Variants in CACNA1A observed in about 807,000 individuals in gnomAD.
CACNA1A encodes calcium voltage-gated channel subunit alpha1 A, also known as voltage-dependent P/Q-type calcium channel subunit alpha-1A.
Under a neutral mutation model 262.4 loss-of-function variants are expected in CACNA1A, and 57 were observed. The observed-to-expected ratio is 0.22, with a 90% CI of 0.18 to 0.27. The LOEUF (loss-of-function observed/expected upper bound fraction) is 0.27. Among genes scored for constraint, CACNA1A ranks in the 10% least tolerant of loss-of-function variants. The pLI is 1.00. For synonymous variants in CACNA1A, 1,431 were observed against 1,419.3 expected (o/e 1.01, Z -0.18); for missense variants, 2,526 against 3,562.8 (o/e 0.71, Z 7.41).
At position 13,299,011 on chromosome 19, in the gene CACNA1A, C is replaced by A; in HGVS notation, c.2622G>T (p.Ser874=). 1 of 1,583,440 alleles carries A rather than the reference C, an allele frequency of 6.3e-7. No individual in the cohort carries two copies. Among genetic ancestry groups the A allele is most frequent in the East Asian group, 2.3e-5 (1 of 43,760 alleles). The part of the protein sequence containing the change: ...YHDRARDPSG[S]AGLDARRPWA... ...AGGGCCTCCGTGCGTCCAGGCCCGC[C>A]GAGCCGCTGGGGTCCCGGGCCCGAT... is the stretch of plus-strand genomic sequence containing the variant. Residue 874 remains serine, a synonymous_variant, in exon 19 of 47, where the codon TCG becomes TCT. Transcript: ENST00000360228.
rs767000559 is a variant in CACNA1A, at chr19:13,285,123, C to T, written c.3637G>A (p.Gly1213Ser). The T allele has an allele frequency of 8.7e-6, 14 of 1,613,898 alleles. No homozygotes were observed. The highest frequency in any genetic ancestry group is 2.2e-5 in the South Asian group (2 of 91,074). ...EEEEDDRGEDGPKPMPPYSSM... is the reference protein window; with the variant it reads ...EEEEDDRGEDSPKPMPPYSSM... Reference sequence around the variant, plus strand: ...CTATAGGGAGGCATTGGCTTAGGGCCGTCTTCCCCACGGTCGTCTTCCTCC... The same window carrying T: ...CTATAGGGAGGCATTGGCTTAGGGCTGTCTTCCCCACGGTCGTCTTCCTCC... The change falls in exon 21 of 47, where the codon GGC becomes AGC. Residue 1213 changes from glycine (G) to serine (S), a missense_variant. Around this residue, in one of 17 missense-constraint regions of CACNA1A, gnomAD observed 765 missense variants for 748.6 expected, o/e 1.02. Coordinates refer to ENST00000360228, the MANE Select transcript of CACNA1A (RefSeq NM_001127222.2).
intron 25 of CACNA1A, chr19:13,262,138 CT>C (rs1295742393): frequency 6.4e-6 from 1 of 157,018 alleles, no homozygotes; most frequent in African/African-American, 2.4e-5. Flanking sequence ...TTCTCCTGGG[CT>C]CAAGCAACAC....
intron 3 of CACNA1A, among the ~76,000 whole-genome samples, chr19:13,402,318 C>T (rs939686328): frequency 1.3e-5 from 2 of 152,100 alleles, no homozygotes; most frequent in African/African-American, 4.8e-5. Flanking sequence ...GTCATGACCA[C>T]TCAGCATCTC....
chr19:13,331,810 G>C (rs892104305), intron 9 of CACNA1A, among the ~76,000 whole-genome samples: 16 of 146,464 alleles, frequency 1.1e-4, no homozygotes, highest in Non-Finnish European at 2.2e-4. Flanking sequence ...ATAGGTGCGT[G>C]TGCCCCCACA....
At chr19:13,476,918 G>A (rs984139457) in intron 1 of CACNA1A, among the ~76,000 whole-genome samples, 9 of 152,022 alleles carry the variant, frequency 5.9e-5, no homozygotes, top group Non-Finnish European at 1.3e-4. Flanking sequence ...AGCAGCCAGA[G>A]GAGCCTATGA....
Position 13,228,794 on chromosome 19 carries a change from C to T in CACNA1A, c.5529-1267G>A, listed in dbSNP as rs141565870. 2.5e-5 allele frequency: 40 copies of T among 1,572,256 alleles called. No individual in the cohort carries two copies. Among genetic ancestry groups the T allele is most frequent in the South Asian group, 5.8e-5 (5 of 86,694 alleles). Reference sequence around the variant, plus strand: ...TACATATCCTTATAATGAATCCGACCGCTGAAAGGAGAAGAAAGGGGGTTA... The same window carrying T: ...TACATATCCTTATAATGAATCCGACTGCTGAAAGGAGAAGAAAGGGGGTTA... On this transcript the variant is annotated intron_variant, in intron 36 of 46. Transcript: ENST00000360228.
rs3050832 is a variant in CACNA1A at position 13,268,893 on chromosome 19, C to CTT, written c.3990-6062_3990-6061dup. On this transcript the variant is annotated intron_variant, in intron 24 of 46. Coordinates refer to ENST00000360228, the MANE Select transcript of CACNA1A (RefSeq NM_001127222.2). ...CATACGTAGAATCATATAGATTCTA[C>CTT]TTTTTTTTTTTTTTTTTTTTTTTTT... Among the ~76,000 whole-genome samples the CTT allele has an allele frequency of 7.7e-3, 832 of 107,774 alleles. 28 individuals carry two copies. Among genetic ancestry groups the CTT allele is most frequent in the African/African-American group, 0.027 (761 of 27,750 alleles). 70.7% of individuals were successfully genotyped at this position (107,774 alleles called of 152,430 possible).
At position 13,210,606 on chromosome 19, in the gene CACNA1A, G is replaced by C; in HGVS notation, c.6339+11C>G. The C allele has an allele frequency of 4.5e-6, 7 of 1,560,612 alleles. No individual in the cohort carries two copies. The highest frequency in any genetic ancestry group is 6.1e-6 in the Non-Finnish European group (7 of 1,153,482). ...GAGCCCTGCTGGGCGCTGGGCAGGC[G>C]CGGTACATACACTGAGGTTATTCCC... is the stretch of plus-strand genomic sequence containing the variant. On this transcript the variant is annotated intron_variant, in intron 44 of 46. Transcript: ENST00000360228.
rs758001708 is a variant in CACNA1A, at chr19:13,259,596, G to A, written c.4356C>T (p.Leu1452=). The change falls in exon 27 of 47, where the codon CTC becomes CTT. Residue 1452 remains leucine (L), a synonymous_variant. Transcript: ENST00000360228. ...AGCCTTCTCCCGTGGACACGGTGAA[G>A]AGGGTCAGCAGAGCCCACAGCACAT... ...YDNVLWALLT[L]FTVSTGEGWP... is the part of the protein sequence containing the mutation. 1.9e-6 allele frequency: 3 copies of A among 1,609,742 alleles called. No homozygotes were observed. Among genetic ancestry groups the A allele is most frequent in the South Asian group, 1.1e-5 (1 of 90,040 alleles).
At chr19:13,481,105 G>C (rs1435123753) in intron 1 of CACNA1A, among the ~76,000 whole-genome samples, 2 of 152,104 alleles carry the variant, frequency 1.3e-5, no homozygotes, top group African/African-American at 4.8e-5. Context: ...GGCACTGAAA[G>C]GATGAGCTAA....
chr19:13,411,634 C>T (rs2060109894), intron 3 of CACNA1A, among the ~76,000 whole-genome samples: 1 of 151,978 alleles, frequency 6.6e-6, no homozygotes, highest in African/African-American at 2.4e-5. Context: ...ACTAATACAC[C>T]ATGTCAAAAA....
chr19:13,320,452 G>A (rs1502023), intron 10 of CACNA1A, among the ~76,000 whole-genome samples: 54,423 of 151,996 alleles, frequency 0.36, 10,329 homozygotes, highest in East Asian at 0.66. Flanking sequence ...ACATCTTAGC[G>A]TGATGCTAAG....
chr19:13,340,654 C>T (rs1051660100), intron 6 of CACNA1A, among the ~76,000 whole-genome samples: 4 of 151,938 alleles, frequency 2.6e-5, no homozygotes, highest in South Asian at 2.1e-4. Flanking sequence ...CTCGAACTCC[C>T]GACCTCAGGC....
intron 1 of CACNA1A, among the ~76,000 whole-genome samples, chr19:13,493,028 G>A (rs2145137002): frequency 6.6e-6 from 1 of 152,320 alleles, no homozygotes; most frequent in South Asian, 2.1e-4. Flanking sequence ...CAGGGCAACA[G>A]AAGGGGAAGG....
At chr19:13,228,965 G>T in intron 36 of CACNA1A, 1 of 417,512 alleles carries the variant, frequency 2.4e-6, no homozygotes. Context: ...GGGAGACCCA[G>T]GGGTGTAGGA....
At chr19:13,457,467 A>G (rs2061034819) in intron 1 of CACNA1A, among the ~76,000 whole-genome samples, 1 of 152,240 alleles carries the variant, frequency 6.6e-6, no homozygotes, top group Non-Finnish European at 1.5e-5. Context: ...CAACAGCCAA[A>G]AGATGGAAAC....
At chr19:13,245,671 CTTTT>C (rs763446754) in intron 30 of CACNA1A, 5 of 115,876 alleles carry the variant, frequency 4.3e-5, no homozygotes, top group East Asian at 2.3e-4. Context: ...CTTTCTTTCT[CTTTT>C]TTTTTTTTTT....
At chr19:13,216,655 CTATCTATCTATCTATCTATCTATCT>C (rs1431142154) in intron 38 of CACNA1A, among the ~76,000 whole-genome samples, 2 of 1,968 alleles carry the variant, frequency 1.0e-3, no homozygotes, top group African/African-American at 2.6e-3. Context: ...ATTTATCTAT[CTATCTATCTATCTATCTATCTATCT>C]ATCTATCTAT....
intron 3 of CACNA1A, among the ~76,000 whole-genome samples, chr19:13,381,243 A>G (rs2059519268): frequency 6.6e-6 from 1 of 151,860 alleles, no homozygotes; most frequent in South Asian, 2.1e-4. Context: ...ATAACAATTA[A>G]AAAAATGGGC....
Sources: gnomAD v4.1 joint callset for allele counts (sites outside exome capture counted in the v4.1 genomes callset) on GRCh38, gnomAD v4.1.1 for gene constraint, gnomAD v4.1.1 regional missense constraint, MANE v1.5 for transcripts, NCBI Gene and HGNC (gene_info 2026-07-23, HGNC 2026-07-21) for gene names.